The following COL28A1 variants were observed in gnomAD, a reference collection of about 807,000 sequenced individuals.
COL28A1 encodes collagen alpha-1(XXVIII) chain.
In COL28A1, 161 loss-of-function variants were observed where a neutral mutation model predicts 150.2. The ratio of observed to expected loss-of-function variants is 1.07; its 90% CI spans 0.94 to 1.22. COL28A1 has a LOEUF of 1.22. Among genes scored for constraint, COL28A1 ranks in the 50% most tolerant of loss-of-function variants. COL28A1 has a pLI of 0.00. For synonymous variants in COL28A1, 552 were observed against 469.7 expected, an observed-to-expected ratio of 1.18 and a Z score of -2.26; for missense variants, 1,617 against 1,388.3, an observed-to-expected ratio of 1.16 and a Z score of -2.62.
At chr7:7,427,824 G>C (rs1245504962) in intron 25 of COL28A1, among the ~76,000 whole-genome samples, 1 of 152,056 alleles carries the variant, frequency 6.6e-6, no homozygotes, top group Non-Finnish European at 1.5e-5. Flanking sequence ...GGCTGAAAGG[G>C]GAAACAATCC....
At chr7:7,520,329 T>G (rs1781649438) in intron 5 of COL28A1, among the ~76,000 whole-genome samples, 1 of 152,224 alleles carries the variant, frequency 6.6e-6, no homozygotes, top group Non-Finnish European at 1.5e-5. Context: ...CAAAAGAGAA[T>G]AATGTTTCTC....
intron 27 of COL28A1, among the ~76,000 whole-genome samples, chr7:7,395,692 C>A (rs1037654034): frequency 6.6e-6 from 1 of 152,180 alleles, no homozygotes; most frequent in African/African-American, 2.4e-5. Context: ...TACTTTAGCA[C>A]AAAATTTTCT....
chr7:7,363,684 G>T (rs989172636), intron 33 of COL28A1, among the ~76,000 whole-genome samples: 66 of 151,524 alleles, frequency 4.4e-4, no homozygotes, highest in African/African-American at 1.5e-3. Flanking sequence ...TTTTTTTGTT[G>T]TTGTTGTTGT....
chr7:7,439,078 G>C (rs1295019593), intron 21 of COL28A1, among the ~76,000 whole-genome samples: 1 of 152,186 alleles, frequency 6.6e-6, no homozygotes, highest in African/African-American at 2.4e-5. Context: ...GCCTCCGTCT[G>C]ACTCATGTCC....
intron 5 of COL28A1, among the ~76,000 whole-genome samples, chr7:7,521,440 A>T (rs1055624467): frequency 4.6e-5 from 7 of 152,214 alleles, no homozygotes; most frequent in Non-Finnish European, 8.8e-5. Context: ...CCCCCAAAGC[A>T]TCGTGACCAG....
chr7:7,362,499 T>G (rs1038610817), intron 33 of COL28A1, among the ~76,000 whole-genome samples: 9 of 152,342 alleles, frequency 5.9e-5, no homozygotes, highest in East Asian at 3.9e-4. Flanking sequence ...TTGATTTTTT[T>G]TGTGTGTGCA....
At chr7:7,494,156 G>A (rs1270505367) in intron 11 of COL28A1, among the ~76,000 whole-genome samples, 1 of 152,212 alleles carries the variant, frequency 6.6e-6, no homozygotes, top group African/African-American at 2.4e-5. Flanking sequence ...AAGAGGACAG[G>A]AAGCCAATGT....
At chr7:7,383,289 T>TG (rs143750254) in intron 27 of COL28A1, among the ~76,000 whole-genome samples, 18,208 of 92,222 alleles carry the variant, frequency 0.2, 1,395 homozygotes, top group East Asian at 0.41. Context: ...TGTGTGTGTG[T>TG]TTTTTTTGAG....
intron 18 of COL28A1, 73 bp downstream of exon 18, chr7:7,452,246 A>G (rs1250983792): frequency 6.4e-7 from 1 of 1,565,430 alleles, no homozygotes; most frequent in Non-Finnish European, 8.6e-7. Flanking sequence ...TCTGTAAGGC[A>G]ATTGGATATA....
intron 13 of COL28A1, among the ~76,000 whole-genome samples, chr7:7,480,567 A>C (rs1255936987): frequency 6.6e-6 from 1 of 152,254 alleles, no homozygotes; most frequent in Non-Finnish European, 1.5e-5. Flanking sequence ...CACATACTTT[A>C]ACAAAGAAAA....
At chr7:7,360,932 G>T (rs1780621549) in intron 33 of COL28A1, among the ~76,000 whole-genome samples, 1 of 152,134 alleles carries the variant, frequency 6.6e-6, no homozygotes, top group South Asian at 2.1e-4. Context: ...CATTTTTATG[G>T]CCTTTCTCCA....
intron 27 of COL28A1, among the ~76,000 whole-genome samples, chr7:7,405,589 T>C (rs1036272253): frequency 2.0e-5 from 3 of 152,192 alleles, no homozygotes; most frequent in African/African-American, 7.2e-5. Flanking sequence ...AAGCTCACTG[T>C]CTTTATGCCA....
At chr7:7,511,858 A>G in intron 8 of COL28A1, 2 of 467,704 alleles carry the variant, frequency 4.3e-6, no homozygotes, top group South Asian at 3.1e-5. Context: ...AAAAAACAAC[A>G]TTTGAGTTAT....
chr7:7,424,542 G>C (rs1206102572), intron 25 of COL28A1, among the ~76,000 whole-genome samples: 2 of 152,156 alleles, frequency 1.3e-5, no homozygotes, highest in African/African-American at 4.8e-5. Context: ...TCGCATAGCT[G>C]GACATAGCTT....
intron 15 of COL28A1, among the ~76,000 whole-genome samples, chr7:7,465,264 C>T (rs1463288830): frequency 0.2 from 11 of 56 alleles, no homozygotes; most frequent in Non-Finnish European, 0.3. Context: ...GTGCGCGAGC[C>T]GAAGCAGGGC....
intron 2 of COL28A1, among the ~76,000 whole-genome samples, 177 bp from the exon 3 acceptor site, chr7:7,532,081 T>G (rs984363904): frequency 2.6e-5 from 4 of 152,108 alleles, no homozygotes; most frequent in Non-Finnish European, 5.9e-5. Context: ...ATGTCTAAGT[T>G]TATGAATTAT....
chr7:7,360,714 C>T (rs1780608851), intron 33 of COL28A1, among the ~76,000 whole-genome samples, 186 bp from the exon 34 acceptor site: 1 of 152,128 alleles, frequency 6.6e-6, no homozygotes, highest in African/African-American at 2.4e-5. Context: ...CCTCAATACC[C>T]AAGTTGTGGA....
At chr7:7,437,999 C>T (rs1010595105) in intron 21 of COL28A1, among the ~76,000 whole-genome samples, 4 of 151,702 alleles carry the variant, frequency 2.6e-5, no homozygotes, top group Non-Finnish European at 4.4e-5. Context: ...TTTGGGAGGC[C>T]GAGGCTGGCG....
intron 11 of COL28A1, among the ~76,000 whole-genome samples, chr7:7,495,936 T>C (rs916844137): frequency 1.3e-5 from 2 of 152,164 alleles, no homozygotes; most frequent in Admixed American, 6.5e-5. Context: ...ATCAGTCACC[T>C]CTTTACTCCC....
Sources: allele counts gnomAD v4.1 joint callset (sites outside exome capture counted in the v4.1 genomes callset), GRCh38; gene constraint gnomAD v4.1.1; transcripts MANE v1.5; gene names NCBI Gene and HGNC (gene_info 2026-07-23, HGNC 2026-07-21).